Variants in TMEM163 observed in about 807,000 individuals in gnomAD.
The protein encoded by TMEM163 is transmembrane protein 163.
TMEM163 carries 17 observed loss-of-function variants against 29.3 expected under a neutral mutation model. The observed-to-expected ratio is 0.58, with a 90% CI of 0.40 to 0.87. The LOEUF (loss-of-function observed/expected upper bound fraction) is 0.87. TMEM163 is among the 40% of genes least tolerant of loss of function. The probability of loss-of-function intolerance (pLI) is 0.00; values close to 1 mark genes in which losing one functional copy is unlikely to be tolerated. For synonymous variants in TMEM163, 157 were observed against 160.6 expected (o/e 0.98, Z 0.17); for missense variants, 303 against 381.5 (o/e 0.79, Z 1.71).
intron 4 of TMEM163, among the ~76,000 whole-genome samples, chr2:134,507,960 A>G (rs1426075998): frequency 2.0e-5 from 3 of 147,164 alleles, no homozygotes; most frequent in Non-Finnish European, 4.5e-5. Context: ...AGGTAGTTAA[A>G]GCCTCCTTTT....
At chr2:134,523,313 C>T (rs1680226446) in intron 4 of TMEM163, among the ~76,000 whole-genome samples, 1 of 152,070 alleles carries the variant, frequency 6.6e-6, no homozygotes, top group African/African-American at 2.4e-5. Context: ...CATCACCAGC[C>T]AGTCAATTAA....
intron 4 of TMEM163, among the ~76,000 whole-genome samples, chr2:134,529,591 A>G (rs111407476): frequency 5.0e-4 from 76 of 152,038 alleles, no homozygotes; most frequent in African/African-American, 1.8e-3. Flanking sequence ...CTCTACAAAA[A>G]AAAGTACAAA....
At chr2:134,587,242 T>G (rs894709246) in intron 2 of TMEM163, among the ~76,000 whole-genome samples, 1 of 152,040 alleles carries the variant, frequency 6.6e-6, no homozygotes, top group African/African-American at 2.4e-5. Context: ...GAGGCCCCGC[T>G]TCTACTAAAA....
chr2:134,465,373 A>G (rs1686648716), intron 6 of TMEM163, among the ~76,000 whole-genome samples: 1 of 152,062 alleles, frequency 6.6e-6, no homozygotes, highest in Admixed American at 6.5e-5. Flanking sequence ...GCACCCACCA[A>G]CCCACCAACC....
intron 4 of TMEM163, among the ~76,000 whole-genome samples, chr2:134,542,797 C>T (rs1226757256): frequency 6.6e-6 from 1 of 152,138 alleles, no homozygotes; most frequent in African/African-American, 2.4e-5. Flanking sequence ...TGCAGGGCCA[C>T]CCTCCCTATT....
intron 2 of TMEM163, among the ~76,000 whole-genome samples, chr2:134,584,003 TG>T (rs1389953577): frequency 1.3e-5 from 2 of 152,216 alleles, no homozygotes; most frequent in Non-Finnish European, 2.9e-5. Context: ...TCTGACCATT[TG>T]TTCACTGCTC....
intron 4 of TMEM163, among the ~76,000 whole-genome samples, chr2:134,508,237 C>T (rs1008926243): frequency 6.6e-6 from 1 of 152,146 alleles, no homozygotes; most frequent in Non-Finnish European, 1.5e-5. Flanking sequence ...GAAGCTTCTC[C>T]AATCACCCTC....
chr2:134,503,013 C>T lies in TMEM163; in HGVS notation c.459-16G>A, dbSNP rs1403341421. The T allele has an allele frequency of 6.2e-7, 1 of 1,604,568 alleles. No homozygotes were observed. Among genetic ancestry groups the T allele is most frequent in the Admixed American group, 1.7e-5 (1 of 59,234 alleles). On this transcript the variant is annotated splice_polypyrimidine_tract_variant and intron_variant, in intron 4 of 7. Transcript: ENST00000281924. ...GACACAGGCTCTGCAAAAAACAAAACATTGAGAATCTTAACTGGGAGAACT... is the reference window on the plus strand; with the variant it reads ...GACACAGGCTCTGCAAAAAACAAAATATTGAGAATCTTAACTGGGAGAACT...
At chr2:134,476,372 A>G (rs1051464874) in intron 5 of TMEM163, among the ~76,000 whole-genome samples, 1 of 152,188 alleles carries the variant, frequency 6.6e-6, no homozygotes, top group Non-Finnish European at 1.5e-5. Context: ...GAAATATTCT[A>G]TATCTTCATT....
chr2:134,705,156 G>A (rs1463955801), intron 2 of TMEM163, among the ~76,000 whole-genome samples: 3 of 151,702 alleles, frequency 2.0e-5, no homozygotes, highest in Non-Finnish European at 4.4e-5. Context: ...GTTACAGTGA[G>A]CTGTGATCGC....
chr2:134,698,467 AT>A (rs1276656679), intron 2 of TMEM163, among the ~76,000 whole-genome samples: 3 of 152,006 alleles, frequency 2.0e-5, no homozygotes, highest in African/African-American at 7.3e-5. Flanking sequence ...TTTCTTTTTC[AT>A]TCAATCTTAC....
Position 134,547,432 on chromosome 2 carries a change from C to T in TMEM163, c.458+3138G>A, listed in dbSNP as rs981987870. On this transcript the variant is annotated intron_variant, in intron 4 of 7. Coordinates refer to ENST00000281924, the MANE Select transcript of TMEM163 (RefSeq NM_030923.5). ...CAAGATTCATCCCAAGGTTTTGGGT[C>T]CAGTTCAAAAAAATAAAGGGAATTA... Among the ~76,000 whole-genome samples, 9 of 152,054 alleles carry T rather than the reference C, an allele frequency of 5.9e-5. 1 individual carries two copies. In the South Asian group the frequency reaches 6.2e-4, roughly 10 times the overall value.
chr2:134,650,054 T>C (rs1277156093), intron 2 of TMEM163, among the ~76,000 whole-genome samples: 1 of 146,392 alleles, frequency 6.8e-6, no homozygotes, highest in Non-Finnish European at 1.5e-5. Context: ...TATTATGGCA[T>C]GCAAAAATGT....
chr2:134,553,184 G>A (rs534709282), intron 2 of TMEM163, among the ~76,000 whole-genome samples: 2 of 152,306 alleles, frequency 1.3e-5, no homozygotes, highest in South Asian at 4.1e-4. Context: ...CCAGGCCTAC[G>A]TTCTGCAAGT....
intron 5 of TMEM163, among the ~76,000 whole-genome samples, chr2:134,479,580 C>T (rs900866443): frequency 3.9e-5 from 6 of 152,176 alleles, no homozygotes; most frequent in African/African-American, 1.4e-4. Context: ...ATCTGACCCC[C>T]ACAGATAAGG....
intron 2 of TMEM163, among the ~76,000 whole-genome samples, chr2:134,623,557 C>T (rs1385449932): frequency 6.6e-6 from 1 of 152,060 alleles, no homozygotes; most frequent in East Asian, 1.9e-4. Flanking sequence ...CACATGAGGT[C>T]GGGAGTTCAA....
intron 2 of TMEM163, among the ~76,000 whole-genome samples, chr2:134,578,187 G>C (rs1374104740): frequency 6.6e-6 from 1 of 152,196 alleles, no homozygotes; most frequent in Non-Finnish European, 1.5e-5. Context: ...GAGCTGTGCA[G>C]TATTCTGGCA....
chr2:134,677,157 G>A (rs75269257), intron 2 of TMEM163, among the ~76,000 whole-genome samples: 3 of 152,322 alleles, frequency 2.0e-5, no homozygotes, highest in East Asian at 3.9e-4. Context: ...TCCTTCCGCA[G>A]ACCTCGTGGC....
chr2:134,462,155 GCTCT>G (rs1328973688), intron 6 of TMEM163, among the ~76,000 whole-genome samples: 1 of 129,796 alleles, frequency 7.7e-6, no homozygotes, highest in East Asian at 2.3e-4. Flanking sequence ...CATTGCCTCT[GCTCT>G]CTGTCTCTCT....
Sources: allele counts gnomAD v4.1 joint callset (sites outside exome capture counted in the v4.1 genomes callset), GRCh38; gene constraint gnomAD v4.1.1; transcripts MANE v1.5; gene names NCBI Gene and HGNC (gene_info 2026-07-23, HGNC 2026-07-21).